The following MYH9 variants were observed in gnomAD, a reference collection of about 807,000 sequenced individuals.
MYH9 encodes the protein myosin heavy chain 9, also known as myosin-9.
MYH9 carries 29 observed loss-of-function variants against 241.9 expected under a neutral mutation model. The observed-to-expected ratio is 0.12, with a 90% confidence interval of 0.09 to 0.16. The LOEUF is 0.16. Ranked by LOEUF, MYH9 falls within the 10% of genes least tolerant of loss-of-function variation. The pLI is 1.00. For synonymous variants in MYH9, 1,047 were observed against 1,062.6 expected (o/e 0.99, Z 0.29); for missense variants, 1,803 against 2,595.5 (o/e 0.69, Z 6.63).
rs778409352 is a variant in MYH9, at chr22:36,321,727, G to C, written c.769+31C>G. 8.7e-6 allele frequency: 14 copies of C among 1,601,872 alleles called. No individual in the cohort carries two copies. The South Asian group carries it at 1.3e-4, about 15-fold the overall frequency. ...AGGTCATGCCTCCCCTCCGGATCCA[G>C]GACTCTTATCCCAACGAACCACAAG... On this transcript the variant is annotated intron_variant, in intron 7 of 40. Coordinates refer to ENST00000216181, the MANE Select transcript of MYH9 (RefSeq NM_002473.6).
Position 36,329,087 on chromosome 22 carries a change from C to T in MYH9, c.491-1599G>A, listed in dbSNP as rs896256307. The stretch of plus-strand genomic sequence containing the variant: ...AAAAAACAAACCTCACACCCAACAC[C>T]AATGGCAGCTGCCCCTGCCCTGGGC... On this transcript the variant is annotated intron_variant, in intron 3 of 40. Transcript: ENST00000216181. This position sits in a 1 kb window ranked among gnomAD's most constrained non-coding sequence, Gnocchi z 4.1. 2 of 152,344 alleles carry T rather than the reference C, an allele frequency of 1.3e-5. No homozygotes were observed. The highest frequency in any genetic ancestry group is 4.8e-5 in the African/African-American group (2 of 41,448). The allele number at this position is 152,344 out of a possible 1,614,324, so 9.4% of individuals were successfully genotyped here.
chr22:36,285,171 G>A lies in MYH9; in HGVS notation c.5433C>T (p.Ala1811=). 1 of 1,614,168 alleles carries A rather than the reference G, an allele frequency of 6.2e-7. No homozygotes were observed. Among genetic ancestry groups the A allele is most frequent in the Non-Finnish European group, 8.5e-7 (1 of 1,180,034 alleles). Residue 1811 remains alanine, a synonymous_variant, in exon 38 of 41, where the codon GCC becomes GCT. Transcript: ENST00000216181. This position sits in a 1 kb window ranked among gnomAD's most constrained non-coding sequence, Gnocchi z 7.0. ...VKSKYKASIT[A]LEAKIAQLEE... is the part of the protein sequence containing the mutation. Reference sequence around the variant, plus strand: ...CCAGCTGTGCAATCTTGGCCTCGAGGGCGGTGATGGAGGCCTTGTACTTGG... The same window carrying A: ...CCAGCTGTGCAATCTTGGCCTCGAGAGCGGTGATGGAGGCCTTGTACTTGG...
At chr22:36,335,310 T>C (rs991824447) in intron 3 of MYH9, among the ~76,000 whole-genome samples, 1 of 152,146 alleles carries the variant, frequency 6.6e-6, no homozygotes, top group Admixed American at 6.5e-5. Context: ...ACACGCCCCA[T>C]CTTGGAGAGC....
intron 12 of MYH9, 101 bp from the exon 13 acceptor site, chr22:36,314,419 C>A: frequency 1.4e-6 from 2 of 1,433,976 alleles, no homozygotes; most frequent in Non-Finnish European, 1.9e-6. Context: ...CAGGAAGGGC[C>A]TCCTTGGGCA....
chr22:36,314,998 G>A (rs1345984747), intron 12 of MYH9, among the ~76,000 whole-genome samples: 1 of 152,140 alleles, frequency 6.6e-6, no homozygotes, highest in South Asian at 2.1e-4. Flanking sequence ...TGCCCAGGCT[G>A]GTCTCAAACT....
Position 36,300,108 on chromosome 22 carries a change from C to A in MYH9, c.2976+19G>T. 6.2e-7 allele frequency: 1 copy of A among 1,608,136 alleles called. No homozygotes were observed. The highest frequency in any genetic ancestry group is 8.5e-7 in the Non-Finnish European group (1 of 1,179,966). ...ACGGCGCCCCTGGAGCAGCGGCAGG[C>A]GACAGCCACGGGCCTCACCTTGGCC... On this transcript the variant is annotated intron_variant, in intron 23 of 40. Transcript: ENST00000216181. The surrounding 1 kb of genome is among the most constrained non-coding windows in gnomAD (Gnocchi z 5.0).
intron 5 of MYH9, 133 bp downstream of exon 5, chr22:36,326,435 A>C: frequency 4.5e-6 from 4 of 889,650 alleles, no homozygotes; most frequent in Non-Finnish European, 7.5e-6. Context: ...CTCAATGGAA[A>C]TGGGCCCAGC....
At chr22:36,289,863 T>G (rs2016656821) in intron 31 of MYH9, among the ~76,000 whole-genome samples, 1 of 152,162 alleles carries the variant, frequency 6.6e-6, no homozygotes, top group South Asian at 2.1e-4. Context: ...TAGTGCATTC[T>G]TTAGAGTATG....
chr22:36,289,279 T>C lies in MYH9; in HGVS notation c.4363A>G (p.Thr1455Ala), dbSNP rs1163341884. 6.2e-7 allele frequency: 1 copy of C among 1,611,798 alleles called. No homozygotes were observed. The highest frequency in any genetic ancestry group is 1.7e-5 in the Admixed American group (1 of 59,914). The change falls in exon 32 of 41, where the codon ACC (threonine) becomes GCC (alanine). Residue 1455 changes from threonine to alanine, a missense_variant. Transcript: ENST00000216181. ...TCCTCTGCATACTTGGCAGAGATGG[T>C]CTTCTCCTCCGCCAGGAGCTGGGAA... ...KFDQLLAEEK[T>A]ISAKYAEERD...
intron 1 of MYH9, among the ~76,000 whole-genome samples, chr22:36,368,048 C>G (rs956732325): frequency 6.6e-6 from 1 of 152,210 alleles, no homozygotes. Context: ...CCAGAGGATG[C>G]TGGGATATGG....
intron 1 of MYH9, among the ~76,000 whole-genome samples, chr22:36,378,906 C>G (rs144506073): frequency 6.6e-6 from 1 of 151,948 alleles, no homozygotes; most frequent in East Asian, 1.9e-4. Flanking sequence ...ATGAGCGAAA[C>G]CAGGGGCCAA....
chr22:36,282,626 GTGTC>G lies in MYH9; in HGVS notation c.*38_*41del, dbSNP rs2016510238. 2 of 1,570,800 alleles carry G rather than the reference GTGTC, an allele frequency of 1.3e-6. No homozygotes were observed. Among genetic ancestry groups the G allele is most frequent in the African/African-American group, 1.4e-5 (1 of 74,036 alleles). On this transcript the variant is annotated 3_prime_UTR_variant, in exon 41 of 41. Transcript: ENST00000216181. Reference sequence around the variant, plus strand: ...CGGGGTCTGGGAAGGGGAGGCTGTGGTGTCTGTCTGTCCATCCATCTCAGGCTGC... The same window carrying G: ...CGGGGTCTGGGAAGGGGAGGCTGTGGTGTCTGTCCATCCATCTCAGGCTGC...
At chr22:36,334,918 T>C (rs2146377906) in intron 3 of MYH9, among the ~76,000 whole-genome samples, 1 of 152,306 alleles carries the variant, frequency 6.6e-6, no homozygotes, top group South Asian at 2.1e-4. Flanking sequence ...GGCAGATTCC[T>C]GCTCTGTCTA....
chr22:36,296,134 G>A (rs2016783937), intron 25 of MYH9, among the ~76,000 whole-genome samples: 1 of 152,228 alleles, frequency 6.6e-6, no homozygotes, highest in African/African-American at 2.4e-5. Context: ...TGTGGTAGGG[G>A]ATGTTGACTG....
At chr22:36,304,904 G>A (rs542259509) in intron 18 of MYH9, 129 bp downstream of exon 18, 5 of 930,416 alleles carry the variant, frequency 5.4e-6, no homozygotes, top group African/African-American at 3.2e-5. Context: ...GTCAGACGCG[G>A]AGCATCAGAA....
intron 13 of MYH9, among the ~76,000 whole-genome samples, chr22:36,313,319 G>A (rs2017095981): frequency 6.6e-6 from 1 of 150,578 alleles, no homozygotes; most frequent in Admixed American, 6.6e-5. Context: ...GGGCGTGGTG[G>A]CGGGCGCCTG....
At position 36,300,177 on chromosome 22, in the gene MYH9, G is replaced by A; in HGVS notation, c.2926C>T (p.Leu976=). The stretch of plus-strand genomic sequence containing the variant: ...TCCAGGATGATCTGCTCCTCCTCCA[G>A]CTTTTTCAGCTTCGCCTCGGTGGTC... ...KVTTEAKLKK[L]EEEQIILEDQ... The change falls in exon 23 of 41, where the codon CTG becomes TTG. Residue 976 remains leucine, a synonymous_variant. Transcript: ENST00000216181. This position sits in a 1 kb window ranked among gnomAD's most constrained non-coding sequence, Gnocchi z 5.0. 1 of 1,613,348 alleles carries A rather than the reference G, an allele frequency of 6.2e-7. No individual in the cohort carries two copies. The highest frequency in any genetic ancestry group is 8.5e-7 in the Non-Finnish European group (1 of 1,180,026).
chr22:36,316,704 A>T, intron 11 of MYH9, 35 bp from the exon 12 acceptor site: 1 of 1,612,352 alleles, frequency 6.2e-7, no homozygotes, highest in Non-Finnish European at 8.5e-7. Context: ...GGTGTCAGAT[A>T]CAAAGGATCT....
At chr22:36,286,107 C>G in intron 35 of MYH9, 154 bp from the exon 36 acceptor site, 2 of 755,610 alleles carry the variant, frequency 2.6e-6, no homozygotes, top group Non-Finnish European at 4.6e-6. Context: ...AGGGCTGGTG[C>G]CCCCCTGAAG....
Sources: gnomAD v4.1 joint callset for allele counts (sites outside exome capture counted in the v4.1 genomes callset) on GRCh38, gnomAD v4.1.1 for gene constraint, Gnocchi (gnomAD v3.1) non-coding constraint, MANE v1.5 for transcripts, NCBI Gene and HGNC (gene_info 2026-07-23, HGNC 2026-07-21) for gene names.